FGD3: variants seen among roughly 807,000 people sequenced by gnomAD.
FGD3 encodes the protein FYVE, RhoGEF and PH domain-containing protein 3.
In FGD3, 45 loss-of-function variants were observed where a neutral mutation model predicts 71.8. That is an observed-to-expected ratio of 0.63 (90% CI 0.49 to 0.80). The LOEUF is 0.80. FGD3 is among the 30% of genes least tolerant of loss of function. The probability of loss-of-function intolerance (pLI) is 0.00; values close to 1 mark genes in which losing one functional copy is unlikely to be tolerated. For missense variants in FGD3, 844 were observed against 951.5 expected (o/e 0.89, Z 1.49); for synonymous variants, 378 against 392.8 (o/e 0.96, Z 0.44).
chr9:92,966,960 CTT>C (rs541720789), intron 1 of FGD3, among the ~76,000 whole-genome samples: 20 of 142,432 alleles, frequency 1.4e-4, no homozygotes, highest in African/African-American at 1.3e-4. Context: ...CATCTTTTTT[CTT>C]TTTTTTTTTT....
chr9:93,026,563 A>G (rs1862121593), intron 14 of FGD3, among the ~76,000 whole-genome samples: 1 of 152,192 alleles, frequency 6.6e-6, no homozygotes, highest in Admixed American at 6.5e-5. Flanking sequence ...CCAAGTGCTC[A>G]GCTCAGTTCC....
chr9:93,016,335 CTT>C (rs71511639), intron 10 of FGD3, among the ~76,000 whole-genome samples: 4 of 108,500 alleles, frequency 3.7e-5, no homozygotes, highest in Admixed American at 1.0e-4. Context: ...GAATGACCTT[CTT>C]TTTTTTTTTT....
chr9:93,034,448 C>G, intron 16 of FGD3, 93 bp from the exon 17 acceptor site: 3 of 1,458,326 alleles, frequency 2.1e-6, no homozygotes, highest in Non-Finnish European at 2.7e-6. Flanking sequence ...CAGCTCCCCC[C>G]AAGCAGTGGC....
Position 93,003,141 on chromosome 9 carries a change from T to G in FGD3, c.543+127T>G. On this transcript the variant is annotated intron_variant, in intron 4 of 17. Transcript: ENST00000375482. This position sits in a 1 kb window ranked among gnomAD's most constrained non-coding sequence, Gnocchi z 4.1. ...AAGTCTGGTCTACAAACTTTTTTTT[T>G]TTTTTGAGACAAAGTCTCACTCTGT... 1.1e-6 allele frequency: 1 copy of G among 898,888 alleles called. No homozygotes were observed. 55.7% of individuals were successfully genotyped at this position (898,888 alleles called of 1,614,324 possible). A position where few individuals can be genotyped will look rare whatever the true frequency, so the allele number is the denominator to read the frequency against.
intron 1 of FGD3, among the ~76,000 whole-genome samples, chr9:92,968,353 TC>T (rs1859409297): frequency 6.6e-6 from 1 of 152,162 alleles, no homozygotes; most frequent in African/African-American, 2.4e-5. Context: ...TTGATCTGCC[TC>T]CTCTTCTCCC....
intron 3 of FGD3, among the ~76,000 whole-genome samples, chr9:92,993,141 CTTCT>C (rs1348149456): frequency 2.0e-5 from 3 of 152,100 alleles, no homozygotes; most frequent in African/African-American, 7.2e-5. Context: ...TATCACTCTC[CTTCT>C]TTTTTTTGGT....
intron 1 of FGD3, among the ~76,000 whole-genome samples, chr9:92,951,873 G>A (rs1453539078): frequency 6.6e-6 from 1 of 152,150 alleles, no homozygotes; most frequent in African/African-American, 2.4e-5. Context: ...GGGGATCTCA[G>A]TCAGAAGACC....
intron 5 of FGD3, 21 bp downstream of exon 5, chr9:93,004,158 C>T (rs371150524): frequency 2.5e-5 from 40 of 1,611,686 alleles, no homozygotes; most frequent in Non-Finnish European, 3.3e-5. Context: ...TCTGCGCATG[C>T]CCATGGGGCC....
At chr9:93,005,242 C>A (rs888696728) in intron 5 of FGD3, among the ~76,000 whole-genome samples, 1 of 152,148 alleles carries the variant, frequency 6.6e-6, no homozygotes, top group South Asian at 2.1e-4. Flanking sequence ...CCTGCCTCAG[C>A]CTCCCAAGTA....
Position 93,002,989 on chromosome 9 carries a change from T to G in FGD3, c.518T>G (p.Val173Gly), listed in dbSNP as rs1424233555. The G allele has an allele frequency of 6.2e-7, 1 of 1,614,090 alleles. No homozygotes were observed. The highest frequency in any genetic ancestry group is 8.5e-7 in the Non-Finnish European group (1 of 1,180,048). Residue 173 changes from valine (V) to glycine (G), a missense_variant, in exon 4 of 18, where the codon GTG (valine) becomes GGG (glycine). By Grantham distance (109) the Val-to-Gly change is moderately radical. Transcript: ENST00000375482. ...QELLHTEETY[V>G]KRLHLLDQVF... ...CTCCTGCACACCGAGGAGACCTATG[T>G]GAAGCGGCTGCACCTGCTGGACCAG...
chr9:93,012,106 ATC>A (rs1861425063), intron 8 of FGD3, among the ~76,000 whole-genome samples: 1 of 150,696 alleles, frequency 6.6e-6, no homozygotes, highest in African/African-American at 2.4e-5. Context: ...GTGAGCCGAG[ATC>A]GCGCCACTGC....
intron 8 of FGD3, 65 bp downstream of exon 8, chr9:93,011,337 T>C: frequency 6.3e-7 from 1 of 1,581,266 alleles, no homozygotes; most frequent in Admixed American, 1.7e-5. Flanking sequence ...CAGGGGCCCT[T>C]GTGGGCCAGC....
intron 7 of FGD3, 34 bp from the exon 8 acceptor site, chr9:93,011,180 T>G: frequency 6.2e-7 from 1 of 1,613,268 alleles, no homozygotes; most frequent in African/African-American, 1.3e-5. Context: ...GGAGCCACCG[T>G]GGCCCCAGGC....
Position 92,969,666 on chromosome 9 carries a change from T to C in FGD3, c.-217-5572T>C, listed in dbSNP as rs1258887185. On this transcript the variant is annotated intron_variant, in intron 1 of 17. Coordinates refer to ENST00000375482, the MANE Select transcript of FGD3 (RefSeq NM_001083536.2). The surrounding 1 kb of genome is among the most constrained non-coding windows in gnomAD (Gnocchi z 4.5). ...GGTGCCGTGGTGGGTTTCTTTCAGATGGGGGGGGACTCCCGCACGGCCTCC... is the reference window on the plus strand; with the variant it reads ...GGTGCCGTGGTGGGTTTCTTTCAGACGGGGGGGGACTCCCGCACGGCCTCC... Among the ~76,000 whole-genome samples, 1 of 151,434 alleles carries C rather than the reference T, an allele frequency of 6.6e-6. No homozygotes were observed. Among genetic ancestry groups the C allele is most frequent in the Non-Finnish European group, 1.5e-5 (1 of 67,840 alleles).
At chr9:92,985,430 G>A (rs929150296) in intron 3 of FGD3, among the ~76,000 whole-genome samples, 10 of 152,120 alleles carry the variant, frequency 6.6e-5, no homozygotes, top group Non-Finnish European at 1.5e-4. Flanking sequence ...TAATTTTGAG[G>A]AAAAACAGTA....
chr9:92,966,467 C>A (rs1160107654), intron 1 of FGD3, among the ~76,000 whole-genome samples: 2 of 152,216 alleles, frequency 1.3e-5, no homozygotes, highest in African/African-American at 4.8e-5. Context: ...AAGTATTGAA[C>A]CCCTAACAAT....
chr9:92,992,152 T>A (rs766638100), intron 3 of FGD3, among the ~76,000 whole-genome samples: 24 of 152,232 alleles, frequency 1.6e-4, no homozygotes, highest in Non-Finnish European at 3.1e-4. Context: ...ACATTCAAGA[T>A]TATTATTGAT....
chr9:93,035,178 C>T (rs1015410616), intron 17 of FGD3, among the ~76,000 whole-genome samples, 160 bp from the exon 18 acceptor site: 1 of 152,144 alleles, frequency 6.6e-6, no homozygotes, highest in African/African-American at 2.4e-5. Context: ...CTCCTGTTGA[C>T]AAAAGGCAGT....
intron 3 of FGD3, among the ~76,000 whole-genome samples, chr9:92,982,463 T>C (rs1408432686): frequency 2.6e-5 from 4 of 152,232 alleles, no homozygotes; most frequent in African/African-American, 9.6e-5. Flanking sequence ...CAGCTGTCCC[T>C]TCAATATACT....
Sources: allele counts gnomAD v4.1 joint callset (sites outside exome capture counted in the v4.1 genomes callset), GRCh38; gene constraint gnomAD v4.1.1; non-coding constraint Gnocchi (gnomAD v3.1); transcripts MANE v1.5; gene names NCBI Gene and HGNC (gene_info 2026-07-23, HGNC 2026-07-21).